DMRT1: variants seen among roughly 807,000 people sequenced by gnomAD.
DMRT1 encodes the protein doublesex- and mab-3-related transcription factor 1.
Under a neutral mutation model 32.3 loss-of-function variants are expected in DMRT1, and 7 were observed. The ratio of observed to expected loss-of-function variants is 0.22; its 90% CI spans 0.12 to 0.41. DMRT1 has a LOEUF of 0.41. Ranked by LOEUF, DMRT1 falls within the 10% of genes least tolerant of loss-of-function variation. DMRT1 has a pLI of 1.00. For missense variants in DMRT1, 625 were observed against 500.5 expected (o/e 1.25, Z -2.37); for synonymous variants, 278 against 206.1 (o/e 1.35, Z -2.99).
intron 3 of DMRT1, among the ~76,000 whole-genome samples, chr9:907,788 A>G (rs541881839): frequency 6.6e-5 from 10 of 151,612 alleles, no homozygotes; most frequent in Non-Finnish European, 1.2e-4. Context: ...GTTCTATTCT[A>G]TTGCATTCTG....
intron 2 of DMRT1, among the ~76,000 whole-genome samples, chr9:863,133 C>G (rs1189199463): frequency 8.6e-6 from 1 of 115,886 alleles, no homozygotes; most frequent in African/African-American, 3.3e-5. Flanking sequence ...TGGGCAACAG[C>G]GAGATCAGGT....
At chr9:924,334 A>C (rs1818454341) in intron 4 of DMRT1, among the ~76,000 whole-genome samples, 2 of 152,186 alleles carry the variant, frequency 1.3e-5, no homozygotes, top group African/African-American at 2.4e-5. Flanking sequence ...GGCCTCCCAC[A>C]GTGCTGGGAT....
chr9:890,236 C>T (rs1000874719), intron 2 of DMRT1, among the ~76,000 whole-genome samples: 13 of 152,002 alleles, frequency 8.6e-5, no homozygotes, highest in African/African-American at 2.9e-4. Flanking sequence ...CGTGAGCCAC[C>T]GCACCCGGCC....
rs569499642 is a variant in DMRT1 at position 903,748 on chromosome 9, T to C, written c.822+9553T>C. Among the ~76,000 whole-genome samples, 4 of 152,312 alleles carry C rather than the reference T, an allele frequency of 2.6e-5. No individual in the cohort carries two copies. In the South Asian group the frequency reaches 6.2e-4, roughly 24 times the overall value. On this transcript the variant is annotated intron_variant, in intron 3 of 4. Transcript: ENST00000382276. ...TGTAGATTCCAGAAGAAACTAGAAT[T>C]GGCCTCTGGATACCTGGGGCCCTGG...
At chr9:917,354 T>C (rs1818216474) in intron 4 of DMRT1, among the ~76,000 whole-genome samples, 1 of 152,196 alleles carries the variant, frequency 6.6e-6, no homozygotes, top group African/African-American at 2.4e-5. Flanking sequence ...TTGAATACAA[T>C]AGATCTCAGA....
intron 2 of DMRT1, among the ~76,000 whole-genome samples, chr9:854,661 G>T (rs1815311357): frequency 6.6e-6 from 1 of 151,634 alleles, no homozygotes; most frequent in Non-Finnish European, 1.5e-5. Flanking sequence ...TTCAATTAAA[G>T]CTAGAATAGG....
intron 1 of DMRT1, among the ~76,000 whole-genome samples, chr9:845,673 G>A (rs10977000): frequency 0.045 from 6,853 of 152,056 alleles, 469 homozygotes; most frequent in African/African-American, 0.15. Flanking sequence ...TCTTCCTTCA[G>A]GGACTTCAAC....
intron 4 of DMRT1, among the ~76,000 whole-genome samples, chr9:931,742 A>G (rs1431021118): frequency 6.6e-6 from 1 of 152,154 alleles, no homozygotes; most frequent in East Asian, 1.9e-4. Context: ...AGTCTTAGAG[A>G]GTATGACCTC....
intron 4 of DMRT1, among the ~76,000 whole-genome samples, chr9:955,566 C>T (rs765224828): frequency 2.7e-4 from 41 of 152,102 alleles, no homozygotes; most frequent in Non-Finnish European, 5.0e-4. Flanking sequence ...ATTAGCTAGG[C>T]ATGATAGTGC....
At chr9:913,810 T>C (rs1003612992) in intron 3 of DMRT1, among the ~76,000 whole-genome samples, 5 of 152,262 alleles carry the variant, frequency 3.3e-5, no homozygotes, top group Admixed American at 2.6e-4. Flanking sequence ...GGAGAATCGC[T>C]TGAAGCCAGG....
At position 951,281 on chromosome 9, in the gene DMRT1, G is replaced by A. The variant is rs190650077; in HGVS notation, c.968-16704G>A. Among the ~76,000 whole-genome samples the A allele has an allele frequency of 2.4e-3, 372 of 151,864 alleles. 2 individuals are homozygous for A. Among genetic ancestry groups the A allele is most frequent in the South Asian group, 6.8e-3 (33 of 4,828 alleles). On this transcript the variant is annotated intron_variant, in intron 4 of 4. Coordinates refer to ENST00000382276, the MANE Select transcript of DMRT1 (RefSeq NM_021951.3). ...ATTCAAGTTAAGCTCCTGGAAGGCA[G>A]AGTTAAAGAAAAATGATTTTGAGAT...
intron 1 of DMRT1, among the ~76,000 whole-genome samples, chr9:846,607 G>T (rs888150858): frequency 6.6e-6 from 1 of 152,046 alleles, no homozygotes; most frequent in Non-Finnish European, 1.5e-5. Flanking sequence ...AAGAGACAGG[G>T]TCTTGCTCTG....
intron 2 of DMRT1, among the ~76,000 whole-genome samples, chr9:875,736 C>A (rs1214271462): frequency 6.6e-6 from 1 of 152,000 alleles, no homozygotes; most frequent in African/African-American, 2.4e-5. Context: ...ATTTTCTTTT[C>A]AGGTAAGATT....
chr9:855,186 G>T (rs1815345281), intron 2 of DMRT1, among the ~76,000 whole-genome samples: 1 of 151,980 alleles, frequency 6.6e-6, no homozygotes, highest in Non-Finnish European at 1.5e-5. Context: ...AACTTTCTGT[G>T]GATAGTATTT....
At chr9:885,623 T>G (rs952419393) in intron 2 of DMRT1, among the ~76,000 whole-genome samples, 3 of 152,190 alleles carry the variant, frequency 2.0e-5, no homozygotes, top group Non-Finnish European at 4.4e-5. Flanking sequence ...CGCTTGTGTG[T>G]CTGCTCGCTA....
Position 842,071 on chromosome 9 carries a change from G to T in DMRT1, c.233G>T (p.Arg78Leu). The change falls in exon 1 of 5, where the codon CGC becomes CTC. Residue 78 changes from arginine (R) to leucine (L), a missense_variant. By Grantham distance (102) the Arg-to-Leu change is moderately radical (BLOSUM62 -2). Transcript: ENST00000382276. ...TCCCCGCGGCTGCCCAAGTGCGCAC[G>T]CTGCAGGAACCACGGCTACGCCTCG... is the stretch of plus-strand genomic sequence containing the variant. ...KKSPRLPKCA[R>L]CRNHGYASPL... 6.5e-7 allele frequency: 1 copy of T among 1,545,782 alleles called. No individual in the cohort carries two copies.
rs562261055 is a variant in DMRT1 at position 914,869 on chromosome 9, C to T, written c.823-1894C>T. Among the ~76,000 whole-genome samples the T allele has an allele frequency of 9.2e-5, 14 of 152,286 alleles. No homozygotes were observed. In the East Asian group the frequency reaches 2.7e-3, roughly 29 times the overall value. On this transcript the variant is annotated intron_variant, in intron 3 of 4. Transcript: ENST00000382276. Reference sequence around the variant, plus strand: ...TCAGGCAGAAATCAGGGACTTAGCTCTTTCTACCAAACAGCACCATAATAC... The same window carrying T: ...TCAGGCAGAAATCAGGGACTTAGCTTTTTCTACCAAACAGCACCATAATAC...
At chr9:843,951 G>C (rs1838797388) in intron 1 of DMRT1, among the ~76,000 whole-genome samples, 1 of 152,024 alleles carries the variant, frequency 6.6e-6, no homozygotes, top group African/African-American at 2.4e-5. Flanking sequence ...GAATACACTG[G>C]GTGTGGCAGT....
chr9:896,733 A>C (rs1433963354), intron 3 of DMRT1, among the ~76,000 whole-genome samples: 1 of 151,790 alleles, frequency 6.6e-6, no homozygotes, highest in Non-Finnish European at 1.5e-5. Context: ...GAATCGTCTG[A>C]ACCCGGGAGG....
Sources: gnomAD v4.1 joint callset for allele counts (sites outside exome capture counted in the v4.1 genomes callset) on GRCh38, gnomAD v4.1.1 for gene constraint, MANE v1.5 for transcripts, NCBI Gene and HGNC (gene_info 2026-07-23, HGNC 2026-07-21) for gene names.